SLMAP: variants seen among roughly 807,000 people sequenced by gnomAD.
The protein encoded by SLMAP is sarcolemmal membrane-associated protein.
A neutral mutation model predicts 128.8 loss-of-function variants in SLMAP; 44 were observed. The observed-to-expected ratio is 0.34, with a 90% confidence interval of 0.27 to 0.44. SLMAP has a LOEUF of 0.44. Among genes scored for constraint, SLMAP ranks in the 20% least tolerant of loss-of-function variants. The pLI is 1.00. For synonymous variants in SLMAP, 327 were observed against 348.8 expected (o/e 0.94, Z 0.70); for missense variants, 787 against 985.3 (o/e 0.80, Z 2.69).
At chr3:57,782,094 C>T (rs1002301287) in intron 2 of SLMAP, among the ~76,000 whole-genome samples, 5 of 152,018 alleles carry the variant, frequency 3.3e-5, no homozygotes, top group Non-Finnish European at 2.9e-5. Context: ...TATTTTGGGA[C>T]TTACATTTGA....
rs546068047 is a variant in SLMAP, at chr3:57,772,887, G to A, written c.198+15038G>A. Among the ~76,000 whole-genome samples the A allele has an allele frequency of 2.0e-5, 3 of 152,192 alleles. No homozygotes were observed. The South Asian group carries it at 6.2e-4, about 32-fold the overall frequency. Reference sequence around the variant, plus strand: ...ACTCCGGACCTTAGGTGATCCGCCCGCCTCGGCCTCCCAAAGTGCTGGGAT... The same window carrying A: ...ACTCCGGACCTTAGGTGATCCGCCCACCTCGGCCTCCCAAAGTGCTGGGAT... On this transcript the variant is annotated intron_variant, in intron 2 of 24. Transcript: ENST00000671191.
At chr3:57,816,699 A>C (rs2091901201) in intron 2 of SLMAP, among the ~76,000 whole-genome samples, 1 of 152,244 alleles carries the variant, frequency 6.6e-6, no homozygotes, top group African/African-American at 2.4e-5. Flanking sequence ...GAGATGTGAG[A>C]GTTAGCTGCT....
intron 14 of SLMAP, among the ~76,000 whole-genome samples, chr3:57,887,759 C>A (rs75941841): frequency 0.01 from 1,575 of 152,210 alleles, 30 homozygotes; most frequent in African/African-American, 0.035. Context: ...TCCTATGAAT[C>A]TTCCTCAGTG....
At chr3:57,771,150 T>TCCCCC (rs2080774192) in intron 2 of SLMAP, among the ~76,000 whole-genome samples, 2 of 130,686 alleles carry the variant, frequency 1.5e-5, no homozygotes, top group African/African-American at 2.9e-5. Context: ...TGCTCTCCCC[T>TCCCCC]CCCCTCCCCT....
At chr3:57,822,009 C>T (rs2092566463) in intron 2 of SLMAP, among the ~76,000 whole-genome samples, 1 of 152,074 alleles carries the variant, frequency 6.6e-6, no homozygotes, top group African/African-American at 2.4e-5. Context: ...ACTGATTATG[C>T]CTAACTGTAT....
chr3:57,898,522 T>C (rs2096292817), intron 17 of SLMAP: 1 of 152,180 alleles, frequency 6.6e-6, no homozygotes, highest in Non-Finnish European at 1.5e-5. Flanking sequence ...AGGCATTCAG[T>C]GTTACAGAAA....
rs192819854 is a variant in SLMAP at position 57,812,622 on chromosome 3, A to G, written c.199-18761A>G. On this transcript the variant is annotated intron_variant, in intron 2 of 24. Transcript: ENST00000671191. ...CAAAAAACATCACTGGAATTTTGATAGGGATTGCATTGAATCTATTGATTG... is the reference window on the plus strand; with the variant it reads ...CAAAAAACATCACTGGAATTTTGATGGGGATTGCATTGAATCTATTGATTG... Among the ~76,000 whole-genome samples the G allele has an allele frequency of 4.5e-3, 680 of 152,296 alleles. 3 individuals carry two copies. The highest frequency in any genetic ancestry group is 7.1e-3 in the Non-Finnish European group (483 of 68,016).
intron 8 of SLMAP, among the ~76,000 whole-genome samples, 167 bp from the exon 9 acceptor site, chr3:57,860,532 T>C (rs1419720400): frequency 1.3e-5 from 2 of 152,188 alleles, no homozygotes; most frequent in Non-Finnish European, 2.9e-5. Context: ...ATAATTTACT[T>C]ATGCAACTTG....
chr3:57,922,867 C>CT (rs3832206), intron 22 of SLMAP, 22 bp from the exon 23 acceptor site: 113 of 1,595,078 alleles, frequency 7.1e-5, no homozygotes, highest in Middle Eastern at 3.3e-4. Flanking sequence ...TATCTGCACA[C>CT]TTTTTTTTTC....
intron 2 of SLMAP, among the ~76,000 whole-genome samples, chr3:57,766,481 G>T (rs1410472175): frequency 6.6e-6 from 1 of 152,066 alleles, no homozygotes; most frequent in Non-Finnish European, 1.5e-5. Flanking sequence ...GAAAAATGGT[G>T]GCATTTATTA....
chr3:57,766,488 A>G (rs1032115976), intron 2 of SLMAP, among the ~76,000 whole-genome samples: 1 of 152,172 alleles, frequency 6.6e-6, no homozygotes, highest in Non-Finnish European at 1.5e-5. Flanking sequence ...GGTGGCATTT[A>G]TTAGCGGCTG....
rs983038509 is a variant in SLMAP at position 57,929,902 on chromosome 3, C to T, written c.*2613C>T. On this transcript the variant is annotated 3_prime_UTR_variant, in exon 25 of 25. Transcript: ENST00000671191. Reference sequence around the variant, plus strand: ...TGAAGTACCATTCGAGTGGTGAATACGTTTTTATGAGAATGTCATACTGAA... The same window carrying T: ...TGAAGTACCATTCGAGTGGTGAATATGTTTTTATGAGAATGTCATACTGAA... 1.3e-5 allele frequency among the ~76,000 whole-genome samples: 2 copies of T among 152,098 alleles called. No individual in the cohort carries two copies. Among genetic ancestry groups the T allele is most frequent in the Non-Finnish European group, 2.9e-5 (2 of 68,010 alleles).
At chr3:57,785,077 A>G (rs2153464945) in intron 2 of SLMAP, among the ~76,000 whole-genome samples, 1 of 152,348 alleles carries the variant, frequency 6.6e-6, no homozygotes, top group East Asian at 1.9e-4. Flanking sequence ...ATCTGTTTAT[A>G]GCAATACAAA....
chr3:57,928,479 G>A lies in SLMAP; in HGVS notation c.*1190G>A, dbSNP rs2097040897. The stretch of plus-strand genomic sequence containing the variant: ...TTGTTAATTGGGACTTTCTGTTAAT[G>A]AAAAGCACTATTCCCAAGATTAATA... On this transcript the variant is annotated 3_prime_UTR_variant, in exon 25 of 25. Coordinates refer to ENST00000671191, the MANE Select transcript of SLMAP (RefSeq NM_001377540.1). 6.6e-6 allele frequency: 1 copy of A among 152,146 alleles called. No individual in the cohort carries two copies. Among genetic ancestry groups the A allele is most frequent in the African/African-American group, 2.4e-5 (1 of 41,446 alleles). The allele number at this position is 152,146 out of a possible 1,614,324, so 9.4% of individuals were successfully genotyped here. A position where few individuals can be genotyped will look rare whatever the true frequency, so the allele number is the denominator to read the frequency against.
At chr3:57,896,624 GCT>G in intron 16 of SLMAP, 33 bp downstream of exon 16, 1 of 1,501,022 alleles carries the variant, frequency 6.7e-7, no homozygotes, top group Non-Finnish European at 9.1e-7. Context: ...CAGACCTGCA[GCT>G]GTTAATGGCA....
chr3:57,893,248 G>T (rs936744675), intron 15 of SLMAP, among the ~76,000 whole-genome samples: 1 of 152,002 alleles, frequency 6.6e-6, no homozygotes, highest in African/African-American at 2.4e-5. Flanking sequence ...GGGCAACATA[G>T]GGAGACCCTA....
At chr3:57,822,908 G>A (rs2092633544) in intron 2 of SLMAP, among the ~76,000 whole-genome samples, 1 of 152,190 alleles carries the variant, frequency 6.6e-6, no homozygotes, top group Non-Finnish European at 1.5e-5. Flanking sequence ...AGACTTCAGT[G>A]ACCACATATG....
At chr3:57,788,692 T>C (rs1419658255) in intron 2 of SLMAP, among the ~76,000 whole-genome samples, 1 of 152,140 alleles carries the variant, frequency 6.6e-6, no homozygotes, top group Non-Finnish European at 1.5e-5. Flanking sequence ...GGGAGAGTTT[T>C]TGAGAAGAGA....
At chr3:57,831,170 C>T (rs1272235196) in intron 2 of SLMAP, among the ~76,000 whole-genome samples, 3 of 152,092 alleles carry the variant, frequency 2.0e-5, no homozygotes, top group South Asian at 2.1e-4. Flanking sequence ...GAGGTTGTAC[C>T]GTTTTATGTA....
Sources: gnomAD v4.1 joint callset for allele counts (sites outside exome capture counted in the v4.1 genomes callset) on GRCh38, gnomAD v4.1.1 for gene constraint, MANE v1.5 for transcripts, NCBI Gene and HGNC (gene_info 2026-07-23, HGNC 2026-07-21) for gene names.